The following DLGAP1 variants were observed in gnomAD, a reference collection of about 807,000 sequenced individuals.
DLGAP1 encodes DLG associated protein 1.
DLGAP1 carries 11 observed loss-of-function variants against 90.8 expected under a neutral mutation model. That is an observed-to-expected ratio of 0.12 (90% CI 0.08 to 0.20). The LOEUF (loss-of-function observed/expected upper bound fraction) is 0.20. DLGAP1 is among the 10% of genes least tolerant of loss of function. DLGAP1 has a pLI of 1.00. For synonymous variants in DLGAP1, 558 were observed against 540.7 expected (o/e 1.03, Z -0.44); for missense variants, 1,050 against 1,333.8 (o/e 0.79, Z 3.31).
At position 3,814,172 on chromosome 18, in the gene DLGAP1, A is replaced by T; in HGVS notation, c.1059T>A (p.Asp353Glu). 6.2e-7 allele frequency: 1 copy of T among 1,614,076 alleles called. No individual in the cohort carries two copies. The highest frequency in any genetic ancestry group is 1.1e-5 in the South Asian group (1 of 91,066). ...RSGSYIKAMG[D>E]EDSGDSDTSP... ...TCGTGTCTGAGTCTCCACTGTCTTC[A>T]TCCCCCATGGCCTTGATATAACTGC... Residue 353 changes from aspartate (D) to glutamate (E), a missense_variant, in exon 5 of 13, where the codon GAT (aspartate) becomes GAA (glutamate). By Grantham distance (45) the Asp-to-Glu change is conservative (BLOSUM62 2). This residue lies in a region of DLGAP1 where 565 missense variants were observed against 879.7 expected (regional missense o/e 0.64). Transcript: ENST00000315677.
chr18:4,079,287 TCACACA>T (rs6146196), intron 2 of DLGAP1, among the ~76,000 whole-genome samples: 25,085 of 142,208 alleles, frequency 0.18, 2,778 homozygotes, highest in Non-Finnish European at 0.26. Context: ...AAAGAAAATG[TCACACA>T]CACACACACA....
chr18:3,687,905 C>CTTT, intron 7 of DLGAP1, among the ~76,000 whole-genome samples: 1 of 140,356 alleles, frequency 7.1e-6, no homozygotes, highest in Non-Finnish European at 1.5e-5. Context: ...TCCTCAGAGA[C>CTTT]TGTTTTTTTT....
chr18:4,005,608 T>C (rs1314816810), intron 2 of DLGAP1, among the ~76,000 whole-genome samples: 1 of 152,182 alleles, frequency 6.6e-6, no homozygotes, highest in Non-Finnish European at 1.5e-5. Context: ...CCTCGGGAGT[T>C]CACAATTTAG....
chr18:3,556,885 G>A (rs533647087), intron 9 of DLGAP1, among the ~76,000 whole-genome samples: 64 of 152,202 alleles, frequency 4.2e-4, no homozygotes, highest in African/African-American at 1.4e-3. Context: ...GGAGGCCAAG[G>A]CATATGGATT....
chr18:4,433,329 C>T (rs2083331058), intron 1 of DLGAP1, among the ~76,000 whole-genome samples: 1 of 152,146 alleles, frequency 6.6e-6, no homozygotes, highest in Admixed American at 6.5e-5. Context: ...TATAATTCTA[C>T]CTAATTTAAG....
Position 4,120,543 on chromosome 18 carries a change from C to T in DLGAP1, c.-159+30637G>A, listed in dbSNP as rs182262821. ...TGAAGCAATGATAGACAGGTAAGAA[C>T]GAGATTGGTGCTCAAAGCAGCTAGG... On this transcript the variant is annotated intron_variant, in intron 2 of 12. Transcript: ENST00000315677. 5.9e-5 allele frequency among the ~76,000 whole-genome samples: 9 copies of T among 152,206 alleles called. 1 individual carries two copies. Among genetic ancestry groups the T allele is most frequent in the Admixed American group, 5.2e-4 (8 of 15,288 alleles).
chr18:3,633,113 T>C (rs569493150), intron 7 of DLGAP1, among the ~76,000 whole-genome samples: 1 of 152,268 alleles, frequency 6.6e-6, no homozygotes, highest in African/African-American at 2.4e-5. Context: ...AAAGCCTAAA[T>C]TGGGCTGGGC....
chr18:4,348,009 T>G (rs757109973), intron 1 of DLGAP1, among the ~76,000 whole-genome samples: 3 of 152,120 alleles, frequency 2.0e-5, no homozygotes, highest in Non-Finnish European at 4.4e-5. Flanking sequence ...TAATCCTTCA[T>G]GTACATTGCA....
chr18:4,205,656 C>A (rs1028676487), intron 1 of DLGAP1, among the ~76,000 whole-genome samples: 2 of 152,180 alleles, frequency 1.3e-5, no homozygotes, highest in Non-Finnish European at 2.9e-5. Context: ...CCATGCCCAG[C>A]CTTAAATGTC....
intron 7 of DLGAP1, among the ~76,000 whole-genome samples, chr18:3,643,636 C>T (rs894028519): frequency 2.8e-4 from 36 of 127,326 alleles, no homozygotes; most frequent in African/African-American, 1.1e-3. Context: ...GCACTCCAGC[C>T]TGGGTGACAG....
chr18:4,304,121 G>A (rs962635975), intron 1 of DLGAP1, among the ~76,000 whole-genome samples: 19 of 152,178 alleles, frequency 1.2e-4, no homozygotes, highest in African/African-American at 4.6e-4. Flanking sequence ...AAACTGTGCA[G>A]AAATGAAAAG....
intron 1 of DLGAP1, among the ~76,000 whole-genome samples, chr18:4,402,485 A>G (rs1022100403): frequency 6.6e-6 from 1 of 152,206 alleles, no homozygotes; most frequent in African/African-American, 2.4e-5. Context: ...TCTTCAAGAA[A>G]ACTATGGGAA....
At chr18:3,746,530 G>A (rs1169293255) in intron 5 of DLGAP1, among the ~76,000 whole-genome samples, 1 of 152,082 alleles carries the variant, frequency 6.6e-6, no homozygotes, top group Non-Finnish European at 1.5e-5. Context: ...AAGAAAAATA[G>A]TCATTGTGTA....
In DLGAP1 at chr18:3,777,533, CTGTT is replaced by C. The variant is rs1419229364; in HGVS notation, c.1173-35025_1173-35022del. Among the ~76,000 whole-genome samples the C allele has an allele frequency of 3.9e-5, 6 of 152,118 alleles. 1 individual carries two copies. The highest frequency in any genetic ancestry group is 5.9e-5 in the Non-Finnish European group (4 of 68,036). Reference sequence around the variant, plus strand: ...ATCTTAAAATAAATTTCTTAGAGCTCTGTTTGTTATTATTTCATATTGAGAATAA... The same window carrying C: ...ATCTTAAAATAAATTTCTTAGAGCTCTGTTATTATTTCATATTGAGAATAA... On this transcript the variant is annotated intron_variant, in intron 5 of 12. Coordinates refer to ENST00000315677, the MANE Select transcript of DLGAP1 (RefSeq NM_004746.4).
chr18:3,749,339 A>AG (rs1325937415), intron 5 of DLGAP1, among the ~76,000 whole-genome samples: 7 of 151,392 alleles, frequency 4.6e-5, no homozygotes, highest in Admixed American at 2.6e-4. Context: ...TCTAGTAGAG[A>AG]GGGGGGTTTC....
intron 1 of DLGAP1, among the ~76,000 whole-genome samples, chr18:4,163,934 T>C (rs545637571): frequency 1.3e-5 from 2 of 152,328 alleles, no homozygotes; most frequent in South Asian, 4.1e-4. Flanking sequence ...CTTGTCCCTG[T>C]AGATCTAAGA....
chr18:4,108,399 C>A (rs7506128), intron 2 of DLGAP1, among the ~76,000 whole-genome samples: 3 of 151,936 alleles, frequency 2.0e-5, no homozygotes, highest in Non-Finnish European at 4.4e-5. Context: ...AAGGCTCCTA[C>A]GTCAGGTAAA....
At chr18:4,126,138 T>C (rs2076229970) in intron 2 of DLGAP1, among the ~76,000 whole-genome samples, 1 of 152,236 alleles carries the variant, frequency 6.6e-6, no homozygotes, top group South Asian at 2.1e-4. Context: ...GGGACACAGC[T>C]GTAGCTTTTT....
Position 4,246,180 on chromosome 18 carries a change from A to G in DLGAP1, c.-266-94893T>C, listed in dbSNP as rs1321614772. ...TAGGAGCAGCATGACAGAATTATAA[A>G]ATGTGGTAAAATGTAATTAGGTTTT... On this transcript the variant is annotated intron_variant, in intron 1 of 12. Transcript: ENST00000315677. 2.6e-5 allele frequency among the ~76,000 whole-genome samples: 4 copies of G among 152,138 alleles called. No individual in the cohort carries two copies. In the East Asian group the frequency reaches 7.7e-4, roughly 29 times the overall value.
Sources: gnomAD v4.1 joint callset for allele counts (sites outside exome capture counted in the v4.1 genomes callset) on GRCh38, gnomAD v4.1.1 for gene constraint, gnomAD v4.1.1 regional missense constraint, MANE v1.5 for transcripts, NCBI Gene and HGNC (gene_info 2026-07-23, HGNC 2026-07-21) for gene names.